JAZF1: variants seen among roughly 807,000 people sequenced by gnomAD.
JAZF1 encodes the protein juxtaposed with another zinc finger protein 1.
A neutral mutation model predicts 26.4 loss-of-function variants in JAZF1; 8 were observed. The observed-to-expected ratio is 0.30, with a 90% CI of 0.18 to 0.55. The LOEUF is 0.55. Among genes scored for constraint, JAZF1 ranks in the 20% least tolerant of loss-of-function variants. The pLI is 0.94. For missense variants in JAZF1, 199 were observed against 322.0 expected, an observed-to-expected ratio of 0.62 and a Z score of 2.92; for synonymous variants, 126 against 122.3, an observed-to-expected ratio of 1.03 and a Z score of -0.20.
At chr7:27,893,411 A>T (rs542168254) in intron 3 of JAZF1, among the ~76,000 whole-genome samples, 1 of 152,294 alleles carries the variant, frequency 6.6e-6, no homozygotes, top group East Asian at 1.9e-4. Context: ...AAAATTTTGA[A>T]TAAGACCCCC....
chr7:27,932,582 G>C (rs978041138), intron 2 of JAZF1, among the ~76,000 whole-genome samples: 3 of 152,152 alleles, frequency 2.0e-5, no homozygotes, highest in African/African-American at 7.2e-5. Flanking sequence ...GAAGGTTTTA[G>C]TTACACATTG....
chr7:28,054,155 C>G (rs1001328912), intron 1 of JAZF1, among the ~76,000 whole-genome samples: 1 of 152,172 alleles, frequency 6.6e-6, no homozygotes, highest in South Asian at 2.1e-4. Flanking sequence ...GCATATAATC[C>G]TATATCTACT....
chr7:27,966,997 G>C (rs953037648), intron 2 of JAZF1, among the ~76,000 whole-genome samples: 1 of 152,052 alleles, frequency 6.6e-6, no homozygotes, highest in Admixed American at 6.6e-5. Flanking sequence ...GACTAGTCAG[G>C]GTCTATGCCA....
intron 2 of JAZF1, among the ~76,000 whole-genome samples, chr7:27,905,217 G>T (rs1784232131): frequency 6.6e-6 from 1 of 152,158 alleles, no homozygotes; most frequent in South Asian, 2.1e-4. Context: ...CGTTGCCTTG[G>T]CCTCCCAAAG....
chr7:28,092,220 T>A lies in JAZF1; in HGVS notation c.115+88243A>T, dbSNP rs184218902. Among the ~76,000 whole-genome samples the A allele has an allele frequency of 1.1e-3, 162 of 145,776 alleles. 1 individual carries two copies. Among genetic ancestry groups the A allele is most frequent in the Admixed American group, 3.0e-3 (43 of 14,162 alleles). ...AATGTTTAAACTATCAACTTCTAAT[T>A]AGTTTCAATTTTTTTTTTAACCTGA... On this transcript the variant is annotated intron_variant, in intron 1 of 4. Transcript: ENST00000283928.
At position 27,895,314 on chromosome 7, in the gene JAZF1, C is replaced by T; in HGVS notation, c.291G>A (p.Val97=). The change falls in exon 3 of 5, where the codon GTG becomes GTA. Residue 97 remains valine (V), a synonymous_variant. Transcript: ENST00000283928. The stretch of plus-strand genomic sequence containing the variant: ...CACTGCTGTGGCGTGGGGGAGTGGA[C>T]ACATTCCCTCGAGACACTGAGCTGG... ...TLSSSVSRGN[V]STPPRHSSGS... is the part of the protein sequence containing the mutation. The T allele has an allele frequency of 1.9e-6, 3 of 1,609,062 alleles. No individual in the cohort carries two copies. Among genetic ancestry groups the T allele is most frequent in the Non-Finnish European group, 2.5e-6 (3 of 1,177,050 alleles).
At chr7:27,974,440 C>A (rs1306268363) in intron 2 of JAZF1, among the ~76,000 whole-genome samples, 1 of 152,168 alleles carries the variant, frequency 6.6e-6, no homozygotes, top group Non-Finnish European at 1.5e-5. Context: ...GGGATGGGGA[C>A]TTCCTTAAGG....
In JAZF1 at chr7:27,961,686, G is replaced by A. The variant is rs577763717; in HGVS notation, c.188+30223C>T. ...AGAATTCCTTTTTGGATAAAGAATAGAATGCCGACTTTGATGCTAGCTGGA... is the reference window on the plus strand; with the variant it reads ...AGAATTCCTTTTTGGATAAAGAATAAAATGCCGACTTTGATGCTAGCTGGA... On this transcript the variant is annotated intron_variant, in intron 2 of 4. Transcript: ENST00000283928. Among the ~76,000 whole-genome samples, 8 of 152,338 alleles carry A rather than the reference G, an allele frequency of 5.3e-5. No homozygotes were observed. The South Asian group carries it at 1.7e-3, about 32-fold the overall frequency.
chr7:27,929,377 G>C (rs543947521), intron 2 of JAZF1, among the ~76,000 whole-genome samples: 1 of 152,314 alleles, frequency 6.6e-6, no homozygotes, highest in Admixed American at 6.5e-5. Flanking sequence ...GCCAGGGAGT[G>C]TGTCCAGCAG....
chr7:28,166,215 T>C (rs543840314), intron 1 of JAZF1, among the ~76,000 whole-genome samples: 22 of 152,172 alleles, frequency 1.4e-4, no homozygotes, highest in African/African-American at 5.3e-4. Flanking sequence ...GGGCAATATA[T>C]TCTATAAGAC....
chr7:28,167,870 C>T (rs1043652009), intron 1 of JAZF1, among the ~76,000 whole-genome samples: 4 of 152,166 alleles, frequency 2.6e-5, no homozygotes, highest in African/African-American at 9.7e-5. Flanking sequence ...ATAAAAACCA[C>T]TATAAGCTAC....
At chr7:27,833,514 T>G (rs1365679792) in intron 4 of JAZF1, among the ~76,000 whole-genome samples, 1 of 152,242 alleles carries the variant, frequency 6.6e-6, no homozygotes, top group Non-Finnish European at 1.5e-5. Context: ...TTTTCTGCTC[T>G]GCACTAAGCC....
intron 2 of JAZF1, among the ~76,000 whole-genome samples, chr7:27,936,413 T>C (rs2128351098): frequency 6.6e-6 from 1 of 152,364 alleles, no homozygotes; most frequent in South Asian, 2.1e-4. Context: ...CATACGTGTC[T>C]ATACCAACAT....
chr7:27,888,926 T>C (rs1285959545), intron 3 of JAZF1, among the ~76,000 whole-genome samples: 2 of 152,200 alleles, frequency 1.3e-5, no homozygotes, highest in East Asian at 3.8e-4. Flanking sequence ...GCCAGCTCTT[T>C]CCATGGCTTC....
intron 3 of JAZF1, chr7:27,844,581 TA>T (rs1320853720): frequency 2.0e-5 from 3 of 152,254 alleles, no homozygotes; most frequent in Non-Finnish European, 4.4e-5. Context: ...TGTGTGTGAA[TA>T]TTTTTATTAT....
At chr7:28,068,425 C>T (rs566946119) in intron 1 of JAZF1, among the ~76,000 whole-genome samples, 2 of 152,226 alleles carry the variant, frequency 1.3e-5, no homozygotes, top group East Asian at 3.9e-4. Flanking sequence ...ATCCTCTTGT[C>T]GTATCAATTA....
chr7:27,976,344 C>CA lies in JAZF1; in HGVS notation c.188+15564dup, dbSNP rs55992845. On this transcript the variant is annotated intron_variant, in intron 2 of 4. Coordinates refer to ENST00000283928, the MANE Select transcript of JAZF1 (RefSeq NM_175061.4). ...TGGGCAACAGAGCCAGACTCCGTCT[C>CA]AAAAAAAAAAAAAAAAAAAAAAAAG... Among the ~76,000 whole-genome samples, 602 of 80,352 alleles carry CA rather than the reference C, an allele frequency of 7.5e-3. 5 individuals carry two copies. Among genetic ancestry groups the CA allele is most frequent in the African/African-American group, 0.028 (513 of 18,490 alleles). The allele number at this position is 80,352 out of a possible 152,430, so 52.7% of individuals were successfully genotyped here.
intron 2 of JAZF1, among the ~76,000 whole-genome samples, chr7:27,934,282 G>A (rs1180162084): frequency 1.3e-5 from 2 of 152,096 alleles, no homozygotes; most frequent in African/African-American, 4.8e-5. Context: ...TTTCTACTTT[G>A]GTGAAAGGCT....
intron 1 of JAZF1, among the ~76,000 whole-genome samples, chr7:28,078,905 A>G (rs1227859828): frequency 1.8e-4 from 28 of 152,142 alleles, no homozygotes; most frequent in Admixed American, 1.8e-3. Context: ...AACTAGAATA[A>G]CTGACTTTTA....
Sources: allele counts gnomAD v4.1 joint callset (sites outside exome capture counted in the v4.1 genomes callset), GRCh38; gene constraint gnomAD v4.1.1; transcripts MANE v1.5; gene names NCBI Gene and HGNC (gene_info 2026-07-23, HGNC 2026-07-21).